Variants in AFF1 observed in about 807,000 individuals in gnomAD.
AFF1 encodes AF4/FMR2 family member 1.
AFF1 carries 48 observed loss-of-function variants against 121.7 expected under a neutral mutation model. That is an observed-to-expected ratio of 0.39 (90% CI 0.31 to 0.50). The LOEUF (loss-of-function observed/expected upper bound fraction) is 0.50, where lower values mean the gene tolerates loss of function less well. Ranked by LOEUF, AFF1 falls within the 20% of genes least tolerant of loss-of-function variation. The probability of loss-of-function intolerance (pLI) is 0.76; values close to 1 mark genes in which losing one functional copy is unlikely to be tolerated. For synonymous variants in AFF1, 613 were observed against 563.0 expected (o/e 1.09, Z -1.26); for missense variants, 1,523 against 1,511.7 (o/e 1.01, Z -0.12).
rs1289957904 is a variant in AFF1, at chr4:87,140,631, T to C, written c.*4930T>C. 5.3e-6 allele frequency: 1 copy of C among 189,094 alleles called. No individual in the cohort carries two copies. The highest frequency in any genetic ancestry group is 1.1e-5 in the Non-Finnish European group (1 of 89,684). 11.7% of individuals were successfully genotyped at this position (189,094 alleles called of 1,614,324 possible). A position where few individuals can be genotyped will look rare whatever the true frequency, so the allele number is the denominator to read the frequency against. On this transcript the variant is annotated 3_prime_UTR_variant, in exon 21 of 21. Transcript: ENST00000395146. ...GTTTAATAAGTTTTTCTTTAATTAC[T>C]GTGGAATAACGTGCCAGCTATCATC...
intron 2 of AFF1, among the ~76,000 whole-genome samples, chr4:86,980,950 C>CA (rs1457194263): frequency 7.4e-6 from 1 of 134,552 alleles, no homozygotes; most frequent in African/African-American, 2.6e-5. Flanking sequence ...TTGAGGCACC[C>CA]CCCCCCTCCA....
chr4:87,132,589 A>G (rs1560664648), intron 19 of AFF1, among the ~76,000 whole-genome samples, 181 bp downstream of exon 19: 1 of 152,250 alleles, frequency 6.6e-6, no homozygotes, highest in Admixed American at 6.5e-5. Context: ...CTTTTTGAGA[A>G]ATAGTTATAA....
At chr4:86,952,403 GGTTTA>G (rs1470976844) in intron 2 of AFF1, among the ~76,000 whole-genome samples, 1 of 152,094 alleles carries the variant, frequency 6.6e-6, no homozygotes, top group Non-Finnish European at 1.5e-5. Flanking sequence ...TTTTCAAAAA[GGTTTA>G]GTTACTGATG....
intron 3 of AFF1, 35 bp downstream of exon 3, chr4:87,046,321 T>A: frequency 6.2e-7 from 1 of 1,603,448 alleles, no homozygotes; most frequent in South Asian, 1.1e-5. Flanking sequence ...AAGTCCTGAT[T>A]TATCACAATG....
At chr4:87,108,688 C>T (rs557871566) in intron 11 of AFF1, among the ~76,000 whole-genome samples, 52 of 152,094 alleles carry the variant, frequency 3.4e-4, no homozygotes, top group Non-Finnish European at 6.5e-4. Flanking sequence ...GAGAATTCTT[C>T]GTGAAATTTT....
At chr4:87,069,373 C>G (rs1335787402) in intron 4 of AFF1, among the ~76,000 whole-genome samples, 31 of 146,614 alleles carry the variant, frequency 2.1e-4, no homozygotes, top group Admixed American at 2.1e-3. Flanking sequence ...CTCTCCCTCC[C>G]TCTCCTTCTG....
intron 2 of AFF1, among the ~76,000 whole-genome samples, chr4:87,038,137 T>C (rs1271714897): frequency 5.9e-5 from 9 of 152,254 alleles, no homozygotes; most frequent in Non-Finnish European, 5.9e-5. Flanking sequence ...ATATTTTTAA[T>C]ATGAAATCAG....
chr4:87,010,216 AT>A (rs1200948245), intron 2 of AFF1, among the ~76,000 whole-genome samples: 1 of 152,190 alleles, frequency 6.6e-6, no homozygotes, highest in African/African-American at 2.4e-5. Flanking sequence ...TTTGTGGCTG[AT>A]TTCTTCTCTT....
rs1273560145 is a variant in AFF1, at chr4:87,046,604, GT to G, written c.160-85del. On this transcript the variant is annotated intron_variant, in intron 3 of 20. Transcript: ENST00000395146. ...CTACATGTCGTACATTAAGTTCGGAGTTTTTTCCTTAATAGTATTATATAAC... is the reference window on the plus strand; with the variant it reads ...CTACATGTCGTACATTAAGTTCGGAGTTTTTCCTTAATAGTATTATATAAC... The G allele has an allele frequency of 2.2e-6, 3 of 1,362,792 alleles. No homozygotes were observed. The African/African-American group carries it at 4.4e-5, about 20-fold the overall frequency. The allele number at this position is 1,362,792 out of a possible 1,614,324, so 84.4% of individuals were successfully genotyped here.
chr4:87,045,035 G>A (rs1157902147), intron 2 of AFF1, among the ~76,000 whole-genome samples: 1 of 152,114 alleles, frequency 6.6e-6, no homozygotes, highest in East Asian at 1.9e-4. Flanking sequence ...TCATGAGAAG[G>A]CTGAATTAAA....
At chr4:87,022,227 AAATG>A (rs1727975351) in intron 2 of AFF1, among the ~76,000 whole-genome samples, 2 of 151,326 alleles carry the variant, frequency 1.3e-5, no homozygotes, top group Non-Finnish European at 2.9e-5. Flanking sequence ...AAAAAAAAAA[AAATG>A]CCATGCTAAA....
At chr4:86,992,404 C>T (rs1198557034) in intron 2 of AFF1, among the ~76,000 whole-genome samples, 1 of 152,208 alleles carries the variant, frequency 6.6e-6, no homozygotes, top group Non-Finnish European at 1.5e-5. Context: ...TAACACCTTC[C>T]TTGCCATTTT....
intron 14 of AFF1, 23 bp from the exon 15 acceptor site, chr4:87,127,003 G>T (rs777795332): frequency 1.3e-6 from 2 of 1,594,196 alleles, no homozygotes; most frequent in Non-Finnish European, 1.7e-6. Context: ...AGTGTAATCT[G>T]TATATTGATT....
Position 87,138,638 on chromosome 4 carries a change from A to G in AFF1, c.*2937A>G, listed in dbSNP as rs1729488562. 9.0e-6 allele frequency: 2 copies of G among 221,782 alleles called. No homozygotes were observed. The highest frequency in any genetic ancestry group is 1.8e-5 in the Non-Finnish European group (2 of 114,244). 13.7% of individuals were successfully genotyped at this position (221,782 alleles called of 1,614,324 possible). A position where few individuals can be genotyped will look rare whatever the true frequency, so the allele number is the denominator to read the frequency against. ...CTAAATAATGAAAAAACACTTTACT[A>G]AAATTTATCAAATTATACTGGGTTC... On this transcript the variant is annotated 3_prime_UTR_variant, in exon 21 of 21. Transcript: ENST00000395146.
chr4:87,074,635 TGTTA>T (rs1315140621), intron 4 of AFF1, among the ~76,000 whole-genome samples: 3 of 152,244 alleles, frequency 2.0e-5, no homozygotes, highest in Admixed American at 6.5e-5. Flanking sequence ...ACTTTTGCAC[TGTTA>T]GTTGACATAT....
chr4:86,994,259 T>C (rs1724942406), intron 2 of AFF1, among the ~76,000 whole-genome samples: 1 of 152,244 alleles, frequency 6.6e-6, no homozygotes, highest in African/African-American at 2.4e-5. Flanking sequence ...CTGATCACTG[T>C]GGGCTCACTG....
At chr4:87,054,260 C>T (rs1201745980) in intron 4 of AFF1, among the ~76,000 whole-genome samples, 1 of 152,214 alleles carries the variant, frequency 6.6e-6, no homozygotes, top group Non-Finnish European at 1.5e-5. Context: ...AGCTTATGGG[C>T]CACAGGGAGC....
intron 5 of AFF1, among the ~76,000 whole-genome samples, chr4:87,089,266 A>G (rs920913220): frequency 6.6e-6 from 1 of 152,138 alleles, no homozygotes; most frequent in African/African-American, 2.4e-5. Flanking sequence ...TTTCTGACAT[A>G]CCTGTTTTCA....
At chr4:87,116,858 A>T (rs1727178413) in intron 12 of AFF1, among the ~76,000 whole-genome samples, 1 of 151,864 alleles carries the variant, frequency 6.6e-6, no homozygotes, top group African/African-American at 2.4e-5. Context: ...ATGTGTGTGA[A>T]AGGTACAAAA....
Sources: allele counts gnomAD v4.1 joint callset (sites outside exome capture counted in the v4.1 genomes callset), GRCh38; gene constraint gnomAD v4.1.1; transcripts MANE v1.5; gene names NCBI Gene and HGNC (gene_info 2026-07-23, HGNC 2026-07-21).